Variants in MET observed in about 807,000 individuals in gnomAD.
MET encodes hepatocyte growth factor receptor.
MET carries 48 observed loss-of-function variants against 133.1 expected under a neutral mutation model. That is an observed-to-expected ratio of 0.36 (90% confidence interval 0.29 to 0.46). The LOEUF (loss-of-function observed/expected upper bound fraction) is 0.46. MET is among the 20% of genes least tolerant of loss of function. MET has a pLI of 1.00. For synonymous variants in MET, 628 were observed against 616.5 expected (o/e 1.02, Z -0.28); for missense variants, 1,442 against 1,695.9 (o/e 0.85, Z 2.63).
At chr7:116,772,627 A>T (rs1794871179) in intron 14 of MET, among the ~76,000 whole-genome samples, 1 of 152,204 alleles carries the variant, frequency 6.6e-6, no homozygotes, top group Non-Finnish European at 1.5e-5. Flanking sequence ...AAAGGTCTGT[A>T]TTGTATCAGC....
At chr7:116,711,724 A>G (rs1792007497) in intron 2 of MET, among the ~76,000 whole-genome samples, 1 of 152,120 alleles carries the variant, frequency 6.6e-6, no homozygotes, top group Non-Finnish European at 1.5e-5. Context: ...TTTGTCTCCA[A>G]AGTGCTGTTG....
intron 2 of MET, among the ~76,000 whole-genome samples, chr7:116,709,211 G>T (rs751521116): frequency 1.5e-4 from 23 of 152,244 alleles, no homozygotes; most frequent in Non-Finnish European, 2.2e-4. Context: ...TTGCCTTTCT[G>T]TTTCATTTTA....
chr7:116,754,915 G>GAA (rs1409253185), intron 5 of MET, among the ~76,000 whole-genome samples: 2 of 139,486 alleles, frequency 1.4e-5, no homozygotes, highest in Admixed American at 7.4e-5. Flanking sequence ...AAGAAAGAAA[G>GAA]AAAGAAAGAA....
chr7:116,724,680 G>A, intron 2 of MET: 1 of 517,664 alleles, frequency 1.9e-6, no homozygotes, highest in Non-Finnish European at 3.5e-6. Context: ...CTTGGAATCG[G>A]AAAAAAAATC....
chr7:116,674,714 C>A (rs1241032768), intron 1 of MET, among the ~76,000 whole-genome samples: 1 of 152,212 alleles, frequency 6.6e-6, no homozygotes, highest in Non-Finnish European at 1.5e-5. Flanking sequence ...CAGATTACCT[C>A]CCATTTCTCT....
At chr7:116,692,485 C>G (rs38849) in intron 1 of MET, among the ~76,000 whole-genome samples, 111,060 of 152,036 alleles carry the variant, frequency 0.73, 40,718 homozygotes, top group East Asian at 0.86. Context: ...TGAGGACAGT[C>G]ATAGTGTTGA....
chr7:116,724,049 A>C (rs1792621732), intron 2 of MET: 1 of 168,364 alleles, frequency 5.9e-6, no homozygotes, highest in Non-Finnish European at 1.2e-5. Flanking sequence ...TACCTAAGCA[A>C]GCCTGGGCAA....
intron 2 of MET, among the ~76,000 whole-genome samples, chr7:116,712,694 C>T (rs908168624): frequency 6.6e-6 from 1 of 151,934 alleles, no homozygotes; most frequent in Non-Finnish European, 1.5e-5. Flanking sequence ...ATGCCCCTCC[C>T]GTCCCCCCCA....
chr7:116,674,864 CT>C (rs1796099469), intron 1 of MET, among the ~76,000 whole-genome samples: 1 of 152,182 alleles, frequency 6.6e-6, no homozygotes, highest in South Asian at 2.1e-4. Context: ...GCCATCTACG[CT>C]TTCTTTTCCG....
intron 3 of MET, among the ~76,000 whole-genome samples, chr7:116,732,981 G>C (rs533980825): frequency 2.0e-5 from 3 of 152,100 alleles, no homozygotes; most frequent in East Asian, 3.9e-4. Context: ...TATTCCCCTA[G>C]TAATCTCCCT....
At chr7:116,712,696 T>TC (rs1166967081) in intron 2 of MET, among the ~76,000 whole-genome samples, 1 of 148,778 alleles carries the variant, frequency 6.7e-6, no homozygotes, top group Non-Finnish European at 1.5e-5. Flanking sequence ...GCCCCTCCCG[T>TC]CCCCCCCACA....
chr7:116,672,664 C>T (rs1246148312), intron 1 of MET, 87 bp downstream of exon 1: 1 of 373,232 alleles, frequency 2.7e-6, no homozygotes, highest in Non-Finnish European at 4.8e-6. Context: ...GACCTGACTG[C>T]TGTTCCAGGG....
intron 1 of MET, among the ~76,000 whole-genome samples, chr7:116,688,586 T>C (rs976319305): frequency 6.6e-5 from 10 of 152,328 alleles, no homozygotes; most frequent in Non-Finnish European, 1.3e-4. Flanking sequence ...TTATGTACAA[T>C]GGTAAAAACA....
At chr7:116,673,982 T>C (rs1796065384) in intron 1 of MET, among the ~76,000 whole-genome samples, 1 of 152,232 alleles carries the variant, frequency 6.6e-6, no homozygotes, top group Non-Finnish European at 1.5e-5. Context: ...ATTTTGGTAG[T>C]ACAAAAATGT....
intron 5 of MET, among the ~76,000 whole-genome samples, chr7:116,750,418 T>C (rs548145290): frequency 6.6e-6 from 1 of 152,262 alleles, no homozygotes; most frequent in East Asian, 1.9e-4. Flanking sequence ...TTACACCTTA[T>C]ACAAAAATTA....
In MET at chr7:116,699,517, G is replaced by A. The variant is rs1410705895; in HGVS notation, c.433G>A (p.Val145Ile). ...CAACAGAGGGACCTGCCAGCGACATGTCTTTCCCCACAATCATACTGCTGA... is the reference window on the plus strand; with the variant it reads ...CAACAGAGGGACCTGCCAGCGACATATCTTTCCCCACAATCATACTGCTGA... ...SVNRGTCQRHVFPHNHTADIQ... is the reference protein window; with the variant it reads ...SVNRGTCQRHIFPHNHTADIQ... Residue 145 changes from valine (V) to isoleucine (I), a missense_variant, in exon 2 of 21, where the codon GTC (valine) becomes ATC (isoleucine). Around this residue, in one of 6 missense-constraint regions of MET, gnomAD observed 762 missense variants for 792.4 expected, o/e 0.96. Coordinates refer to ENST00000397752, the MANE Select transcript of MET (RefSeq NM_000245.4). The A allele has an allele frequency of 3.1e-6, 5 of 1,613,880 alleles. No individual in the cohort carries two copies. Among genetic ancestry groups the A allele is most frequent in the Admixed American group, 3.3e-5 (2 of 59,980 alleles).
At chr7:116,768,026 G>GTATA (rs368233103) in intron 11 of MET, among the ~76,000 whole-genome samples, 42 of 144,176 alleles carry the variant, frequency 2.9e-4, no homozygotes, top group African/African-American at 7.9e-4. Context: ...GTGTGTGTGT[G>GTATA]TATATATATA....
chr7:116,759,701 C>T, intron 10 of MET: 1 of 600,744 alleles, frequency 1.7e-6, no homozygotes, highest in Non-Finnish European at 3.1e-6. Context: ...CACATACACA[C>T]ATGCACATAT....
intron 2 of MET, among the ~76,000 whole-genome samples, chr7:116,728,151 G>T (rs577583673): frequency 6.6e-6 from 1 of 152,146 alleles, no homozygotes; most frequent in Non-Finnish European, 1.5e-5. Context: ...AAATGAAAAA[G>T]AAAAAGGTTA....
Sources: allele counts gnomAD v4.1 joint callset (sites outside exome capture counted in the v4.1 genomes callset), GRCh38; gene constraint gnomAD v4.1.1; regional missense constraint gnomAD v4.1.1; transcripts MANE v1.5; gene names NCBI Gene and HGNC (gene_info 2026-07-23, HGNC 2026-07-21).